SLC6A16: variants seen among roughly 807,000 people sequenced by gnomAD.
SLC6A16 encodes the protein solute carrier family 6 member 16.
In SLC6A16, 54 loss-of-function variants were observed where a neutral mutation model predicts 65.4. The ratio of observed to expected loss-of-function variants is 0.83; its 90% CI spans 0.66 to 1.04. The LOEUF (loss-of-function observed/expected upper bound fraction) is 1.04. SLC6A16 is among the 50% of genes least tolerant of loss of function. The pLI, the probability that SLC6A16 is intolerant of heterozygous loss-of-function variation, is 0.00. For synonymous variants in SLC6A16, 330 were observed against 346.5 expected (o/e 0.95, Z 0.53); for missense variants, 816 against 914.0 (o/e 0.89, Z 1.38).
chr19:49,338,632 C>T, the SLC6A16 span: 1 of 1,199,694 alleles, frequency 8.3e-7, no homozygotes, highest in East Asian at 2.3e-5. The surrounding 1 kb of genome is among the most constrained non-coding windows in gnomAD (Gnocchi z 5.0). Flanking sequence ...TACCCATCAC[C>T]TTGTCCCCTG....
At chr19:49,323,448 T>G (rs1970748152) in intron 1 of SLC6A16, among the ~76,000 whole-genome samples, 1 of 152,124 alleles carries the variant, frequency 6.6e-6, no homozygotes, top group Non-Finnish European at 1.5e-5. Context: ...AGGAAATATC[T>G]GAAAATCATA....
chr19:49,294,186 CA>C (rs1357437541), intron 8 of SLC6A16, among the ~76,000 whole-genome samples, 158 bp from the exon 9 acceptor site: 1 of 152,180 alleles, frequency 6.6e-6, no homozygotes, highest in African/African-American at 2.4e-5. Context: ...CATGGAAAAT[CA>C]ATCCACCTAG....
chr19:49,299,546 AAAAG>A (rs368964600), intron 7 of SLC6A16, among the ~76,000 whole-genome samples: 1 of 126,504 alleles, frequency 7.9e-6, no homozygotes, highest in Non-Finnish European at 1.6e-5. Context: ...AAAAAAAAAA[AAAAG>A]AAAGAAAGAA....
intron 7 of SLC6A16, among the ~76,000 whole-genome samples, chr19:49,303,032 GAA>G (rs994086334): frequency 7.9e-5 from 12 of 152,186 alleles, no homozygotes; most frequent in African/African-American, 2.7e-4. Context: ...TTACAGAGGA[GAA>G]GAGAAAAGGA....
the SLC6A16 span, chr19:49,337,658 G>A: frequency 1.3e-6 from 2 of 1,517,112 alleles, no homozygotes; most frequent in Non-Finnish European, 8.8e-7. Flanking sequence ...AGGGAGACAG[G>A]CATAAACAGC....
intron 7 of SLC6A16, among the ~76,000 whole-genome samples, chr19:49,307,591 G>A (rs1970416995): frequency 6.6e-6 from 1 of 151,788 alleles, no homozygotes; most frequent in South Asian, 2.1e-4. Context: ...AGCTCTTTGG[G>A]AGGCAGAGGC....
At position 49,294,171 on chromosome 19, in the gene SLC6A16, CCT is replaced by C. The variant is rs1970138019; in HGVS notation, c.1417-145_1417-144del. ...GAAAATCAGATGTCCAAGCTAACCC[CCT>C]GACATGGAAAATCAATCCACCTAGC... On this transcript the variant is annotated intron_variant, in intron 8 of 11. Coordinates refer to ENST00000335875, the MANE Select transcript of SLC6A16 (RefSeq NM_014037.3). The C allele has an allele frequency of 7.7e-6, 7 of 910,584 alleles. No homozygotes were observed. In the East Asian group the frequency reaches 1.6e-4, roughly 20 times the overall value. The allele number at this position is 910,584 out of a possible 1,614,324, so 56.4% of individuals were successfully genotyped here. A position where few individuals can be genotyped will look rare whatever the true frequency, so the allele number is the denominator to read the frequency against.
At chr19:49,318,846 G>T (rs1273778559) in intron 1 of SLC6A16, among the ~76,000 whole-genome samples, 1 of 150,246 alleles carries the variant, frequency 6.7e-6, no homozygotes, top group African/African-American at 2.5e-5. Flanking sequence ...GGAATTACAG[G>T]TGTGCACCAC....
chr19:49,316,139 A>G (rs1172597956), intron 1 of SLC6A16, among the ~76,000 whole-genome samples: 1 of 152,218 alleles, frequency 6.6e-6, no homozygotes, highest in African/African-American at 2.4e-5. Context: ...TGCAATACAT[A>G]ATTAGAAAAT....
upstream of SLC6A16, among the ~76,000 whole-genome samples, chr19:49,327,882 G>C (rs531226553): frequency 6.6e-6 from 1 of 152,236 alleles, no homozygotes; most frequent in Non-Finnish European, 1.5e-5. Flanking sequence ...AAATGGCAAA[G>C]AGTCTGATAT....
chr19:49,318,846 G>A (rs1273778559), intron 1 of SLC6A16, among the ~76,000 whole-genome samples: 1 of 150,246 alleles, frequency 6.7e-6, no homozygotes, highest in South Asian at 2.1e-4. Context: ...GGAATTACAG[G>A]TGTGCACCAC....
the SLC6A16 span, among the ~76,000 whole-genome samples, chr19:49,331,275 G>A: frequency 6.6e-6 from 1 of 152,064 alleles, no homozygotes; most frequent in African/African-American, 2.4e-5. Context: ...CGATCTCCCA[G>A]GCTCAAGCAG....
chr19:49,311,358 C>T lies in SLC6A16; in HGVS notation c.-11G>A. On this transcript the variant is annotated 5_prime_UTR_variant, in exon 2 of 12. Coordinates refer to ENST00000335875, the MANE Select transcript of SLC6A16 (RefSeq NM_014037.3). ...GGCCTCTGTCTTCATCTCACACAGA[C>T]TCTCTGGGGCAGCTCCCGCTTCTGC... 3 of 1,544,446 alleles carry T rather than the reference C, an allele frequency of 1.9e-6. No homozygotes were observed. Among genetic ancestry groups the T allele is most frequent in the Non-Finnish European group, 2.6e-6 (3 of 1,146,336 alleles).
At chr19:49,333,853 G>A in the SLC6A16 span, among the ~76,000 whole-genome samples, 1 of 152,200 alleles carries the variant, frequency 6.6e-6, no homozygotes, top group Non-Finnish European at 1.5e-5. Flanking sequence ...GACATCAGAG[G>A]AAACTGCAGA....
At chr19:49,307,051 C>CTTTTTTTTTTTTTTTTTTTTTTTTT (rs1197711801) in intron 7 of SLC6A16, among the ~76,000 whole-genome samples, 1 of 61,032 alleles carries the variant, frequency 1.6e-5, no homozygotes, top group Non-Finnish European at 2.8e-5. Flanking sequence ...GTTTTATACA[C>CTTTTTTTTTTTTTTTTTTTTTTTTT]TTTTTTTTTT....
At chr19:49,319,282 T>C (rs894752118) in intron 1 of SLC6A16, among the ~76,000 whole-genome samples, 1 of 151,972 alleles carries the variant, frequency 6.6e-6, no homozygotes, top group African/African-American at 2.4e-5. Flanking sequence ...CAGGCCAATT[T>C]TCCAACAAGC....
intron 7 of SLC6A16, among the ~76,000 whole-genome samples, chr19:49,304,850 G>T (rs1334713371): frequency 1.3e-5 from 2 of 152,132 alleles, no homozygotes; most frequent in Non-Finnish European, 2.9e-5. Context: ...CACACATTTT[G>T]CTTTAAACTA....
chr19:49,331,146 C>T, the SLC6A16 span, among the ~76,000 whole-genome samples: 2 of 152,114 alleles, frequency 1.3e-5, no homozygotes, highest in South Asian at 4.1e-4. Context: ...AGAGGACAAT[C>T]CTTCCTTGAC....
chr19:49,339,367 A>C, the SLC6A16 span: 1 of 1,613,802 alleles, frequency 6.2e-7, no homozygotes, highest in Non-Finnish European at 8.5e-7. The surrounding 1 kb of genome is among the most constrained non-coding windows in gnomAD (Gnocchi z 4.5). Context: ...CTGCACAACA[A>C]CCTTATTTCC....
Sources: gnomAD v4.1 joint callset for allele counts (sites outside exome capture counted in the v4.1 genomes callset) on GRCh38, gnomAD v4.1.1 for gene constraint, Gnocchi (gnomAD v3.1) non-coding constraint, MANE v1.5 for transcripts, NCBI Gene and HGNC (gene_info 2026-07-23, HGNC 2026-07-21) for gene names.